Variants in CDH12 observed in about 807,000 individuals in gnomAD.
CDH12 encodes the protein cadherin 12.
CDH12 carries 41 observed loss-of-function variants against 74.1 expected under a neutral mutation model. The observed-to-expected ratio is 0.55, with a 90% CI of 0.43 to 0.72. The LOEUF is 0.72. CDH12 is among the 30% of genes least tolerant of loss of function. CDH12 has a pLI of 0.00. For missense variants in CDH12, 945 were observed against 977.2 expected, an observed-to-expected ratio of 0.97 and a Z score of 0.44; for synonymous variants, 399 against 355.0, an observed-to-expected ratio of 1.12 and a Z score of -1.39.
At chr5:21,986,849 T>C (rs1418780873) in intron 5 of CDH12, among the ~76,000 whole-genome samples, 1 of 152,152 alleles carries the variant, frequency 6.6e-6, no homozygotes, top group Non-Finnish European at 1.5e-5. Context: ...TCGAATATTA[T>C]ATACTATGTT....
chr5:21,834,493 T>C (rs1355726589), intron 8 of CDH12, among the ~76,000 whole-genome samples: 1 of 151,874 alleles, frequency 6.6e-6, no homozygotes, highest in Non-Finnish European at 1.5e-5. Context: ...AAACAGCAGA[T>C]TAGGTAAATT....
intron 4 of CDH12, among the ~76,000 whole-genome samples, chr5:22,178,434 T>C (rs1049415732): frequency 4.6e-5 from 7 of 152,214 alleles, no homozygotes; most frequent in African/African-American, 1.7e-4. Flanking sequence ...TGAATATCTA[T>C]GTATTTCTAA....
intron 3 of CDH12, among the ~76,000 whole-genome samples, chr5:22,256,889 G>A (rs1561260480): frequency 6.6e-6 from 1 of 152,098 alleles, no homozygotes; most frequent in South Asian, 2.1e-4. Context: ...ACATGCAAGT[G>A]TATGTTCACA....
At chr5:21,838,228 A>C (rs1749648508) in intron 8 of CDH12, among the ~76,000 whole-genome samples, 1 of 152,196 alleles carries the variant, frequency 6.6e-6, no homozygotes, top group Non-Finnish European at 1.5e-5. Context: ...TCAAGATAGT[A>C]ATGATAAAGT....
intron 1 of CDH12, among the ~76,000 whole-genome samples, chr5:22,613,632 A>G (rs1172835790): frequency 1.3e-5 from 2 of 152,116 alleles, no homozygotes; most frequent in African/African-American, 2.4e-5. Context: ...TTATGTATGT[A>G]TTTATGCACA....
intron 6 of CDH12, among the ~76,000 whole-genome samples, chr5:21,918,624 C>T (rs1579960283): frequency 6.6e-6 from 1 of 152,024 alleles, no homozygotes; most frequent in South Asian, 2.1e-4. Context: ...AAACCATCAG[C>T]TCTCTGAGAC....
chr5:22,522,239 C>A (rs772974047), intron 1 of CDH12, among the ~76,000 whole-genome samples: 1 of 152,048 alleles, frequency 6.6e-6, no homozygotes, highest in African/African-American at 2.4e-5. Context: ...AATGAAATAA[C>A]CACACAAGAG....
chr5:22,809,371 T>C (rs1439445350), intron 1 of CDH12, among the ~76,000 whole-genome samples: 8 of 151,776 alleles, frequency 5.3e-5, no homozygotes, highest in African/African-American at 1.9e-4. Flanking sequence ...AGTCTAACAA[T>C]ATAATCCTAT....
chr5:22,687,441 T>G (rs1413258366), intron 1 of CDH12, among the ~76,000 whole-genome samples: 2 of 152,170 alleles, frequency 1.3e-5, no homozygotes, highest in African/African-American at 4.8e-5. Flanking sequence ...AGGGTCTCAC[T>G]CTGTTGCCCA....
intron 1 of CDH12, among the ~76,000 whole-genome samples, chr5:22,545,694 T>C (rs1198724057): frequency 1.3e-5 from 2 of 152,228 alleles, no homozygotes; most frequent in Non-Finnish European, 1.5e-5. Flanking sequence ...TCTCCTTTTG[T>C]ACATTTTAAA....
chr5:22,557,525 G>A lies in CDH12; in HGVS notation c.-522-52161C>T, dbSNP rs111639781. 8.1e-3 allele frequency among the ~76,000 whole-genome samples: 1,229 copies of A among 152,132 alleles called. 18 individuals carry two copies. Among genetic ancestry groups the A allele is most frequent in the African/African-American group, 0.028 (1,146 of 41,556 alleles). On this transcript the variant is annotated intron_variant, in intron 1 of 14. Coordinates refer to ENST00000382254, the MANE Select transcript of CDH12 (RefSeq NM_004061.5). ...ATCTATAAACCAACAGACAGAAGGC[G>A]TGGGAAGAAAGGAAAAAGAAGGAAG...
At chr5:22,283,249 T>TACACAC (rs1482276211) in intron 3 of CDH12, among the ~76,000 whole-genome samples, 1 of 116,208 alleles carries the variant, frequency 8.6e-6, no homozygotes, top group African/African-American at 3.5e-5. Context: ...TATATATATA[T>TACACAC]ATACACACAC....
chr5:22,423,343 G>A (rs1179625994), intron 2 of CDH12, among the ~76,000 whole-genome samples: 1 of 152,078 alleles, frequency 6.6e-6, no homozygotes, highest in Non-Finnish European at 1.5e-5. Context: ...CTCCTGAGAT[G>A]TGCAGAAACC....
chr5:21,778,468 A>G (rs1253890338), intron 11 of CDH12, among the ~76,000 whole-genome samples: 1 of 31,988 alleles, frequency 3.1e-5, no homozygotes, highest in African/African-American at 6.4e-5. Context: ...ATATAAGCCA[A>G]AAAAAAAAAA....
intron 4 of CDH12, among the ~76,000 whole-genome samples, chr5:22,187,166 A>G (rs1232195462): frequency 1.3e-5 from 2 of 152,218 alleles, no homozygotes; most frequent in Non-Finnish European, 2.9e-5. Context: ...ACACGAGCAC[A>G]TATGAGGTCC....
chr5:22,503,086 A>C (rs1447232873), intron 2 of CDH12, among the ~76,000 whole-genome samples: 1 of 152,182 alleles, frequency 6.6e-6, no homozygotes, highest in Non-Finnish European at 1.5e-5. Flanking sequence ...ATACTGGAAC[A>C]AGAAGGTATT....
intron 2 of CDH12, among the ~76,000 whole-genome samples, chr5:22,477,991 TAA>T (rs1746235621): frequency 6.6e-6 from 1 of 152,146 alleles, no homozygotes; most frequent in Non-Finnish European, 1.5e-5. Context: ...ACTTTAAACA[TAA>T]AAAGGCACTT....
At chr5:22,816,684 AT>A (rs1219059932) in intron 1 of CDH12, among the ~76,000 whole-genome samples, 2 of 152,164 alleles carry the variant, frequency 1.3e-5, no homozygotes, top group Admixed American at 6.6e-5. Flanking sequence ...AATTGGGAAC[AT>A]TTTAGCTAAT....
intron 5 of CDH12, among the ~76,000 whole-genome samples, chr5:22,052,943 G>T (rs961165906): frequency 6.6e-6 from 1 of 151,928 alleles, no homozygotes; most frequent in African/African-American, 2.4e-5. Flanking sequence ...TATGTAACAA[G>T]AATATTTTGC....
Sources: gnomAD v4.1 joint callset for allele counts (sites outside exome capture counted in the v4.1 genomes callset) on GRCh38, gnomAD v4.1.1 for gene constraint, MANE v1.5 for transcripts, NCBI Gene and HGNC (gene_info 2026-07-23, HGNC 2026-07-21) for gene names.